The following TPD52L2 variants were observed in gnomAD, a reference collection of about 807,000 sequenced individuals.
TPD52L2 encodes the protein TPD52 like 2, also known as tumor protein D54.
A neutral mutation model predicts 24.7 loss-of-function variants in TPD52L2; 19 were observed. The ratio of observed to expected loss-of-function variants is 0.77; its 90% CI spans 0.54 to 1.13. The LOEUF is 1.13. TPD52L2 is among the 50% of genes most tolerant of loss of function. The pLI is 0.00. For missense variants in TPD52L2, 236 were observed against 250.4 expected, an observed-to-expected ratio of 0.94 and a Z score of 0.39; for synonymous variants, 104 against 100.2, an observed-to-expected ratio of 1.04 and a Z score of -0.23.
At chr20:63,866,681 G>T (rs1227330706) in intron 1 of TPD52L2, among the ~76,000 whole-genome samples, 1 of 150,018 alleles carries the variant, frequency 6.7e-6, no homozygotes, top group African/African-American at 2.5e-5. Context: ...TGACGGTCTT[G>T]ATACCCTGAC....
At chr20:63,868,160 G>T (rs572673731) in intron 1 of TPD52L2, among the ~76,000 whole-genome samples, 6 of 152,194 alleles carry the variant, frequency 3.9e-5, no homozygotes, top group Admixed American at 1.3e-4. Flanking sequence ...TGATCCACCT[G>T]CCTCGGCCTC....
chr20:63,881,032 G>A (rs2052876189), intron 4 of TPD52L2, among the ~76,000 whole-genome samples: 1 of 151,224 alleles, frequency 6.6e-6, no homozygotes, highest in South Asian at 2.1e-4. Context: ...GGATGGGAAA[G>A]TGCATCCTCT....
chr20:63,877,612 A>ATAGTCT lies in TPD52L2; in HGVS notation c.374+1741_374+1746dup, dbSNP rs1339224734. Among the ~76,000 whole-genome samples, 2 of 152,266 alleles carry ATAGTCT rather than the reference A, an allele frequency of 1.3e-5. No homozygotes were observed. The highest frequency in any genetic ancestry group is 2.9e-5 in the Non-Finnish European group (2 of 68,046). On this transcript the variant is annotated intron_variant, in intron 4 of 6. Coordinates refer to ENST00000346249, the MANE Select transcript of TPD52L2 (RefSeq NM_003288.4). The surrounding 1 kb of genome is among the most constrained non-coding windows in gnomAD (Gnocchi z 4.1). ...CGCACAGTGCAGACTCAGTCTGAAA[A>ATAGTCT]TAGTCTTAGGAGACTTCAGTGCTGT...
intron 2 of TPD52L2, among the ~76,000 whole-genome samples, chr20:63,870,334 T>C (rs6062561): frequency 0.042 from 6,318 of 152,158 alleles, 369 homozygotes; most frequent in East Asian, 0.25. Context: ...AGGTTGGTTG[T>C]GCCGCTGAGT....
rs964052969 is a variant in TPD52L2 at position 63,886,176 on chromosome 20, G to A, written c.477-3014G>A. The A allele has an allele frequency of 8.6e-5, 75 of 874,576 alleles. 2 individuals carry two copies. The highest frequency in any genetic ancestry group is 6.4e-4 in the South Asian group (46 of 72,370). The allele number at this position is 874,576 out of a possible 1,614,324, so 54.2% of individuals were successfully genotyped here. A position where few individuals can be genotyped will look rare whatever the true frequency, so the allele number is the denominator to read the frequency against. On this transcript the variant is annotated intron_variant, in intron 5 of 6. Coordinates refer to ENST00000346249, the MANE Select transcript of TPD52L2 (RefSeq NM_003288.4). ...GGATCACCCCTTCCAGGACAGCAGT[G>A]CCAGCCAGGTGGTTGCTGCATCTCA...
At position 63,886,938 on chromosome 20, in the gene TPD52L2, G is replaced by C. The variant is rs6010689; in HGVS notation, c.477-2252G>C. ...GATTACAGGCGTGAGCCACTGCGCCGGGCCCTCAAAGGAGCCTTTTCACGT... is the reference window on the plus strand; with the variant it reads ...GATTACAGGCGTGAGCCACTGCGCCCGGCCCTCAAAGGAGCCTTTTCACGT... On this transcript the variant is annotated intron_variant, in intron 5 of 6. Transcript: ENST00000346249. The C allele has an allele frequency of 2.9e-3, 457 of 159,606 alleles. 3 individuals are homozygous for C. The highest frequency in any genetic ancestry group is 0.011 in the African/African-American group (441 of 41,542). The allele number at this position is 159,606 out of a possible 1,614,324, so 9.9% of individuals were successfully genotyped here.
At chr20:63,876,938 T>C (rs1294534909) in intron 4 of TPD52L2, 1 of 451,868 alleles carries the variant, frequency 2.2e-6, no homozygotes, top group South Asian at 1.6e-5. Context: ...CCGGGCGGTT[T>C]GTGGGCATGG....
intron 4 of TPD52L2, among the ~76,000 whole-genome samples, chr20:63,880,534 T>C (rs565271034): frequency 6.6e-6 from 1 of 152,386 alleles, no homozygotes; most frequent in African/African-American, 2.4e-5. Context: ...AACCACAGAA[T>C]GTTCACATGG....
intron 1 of TPD52L2, among the ~76,000 whole-genome samples, chr20:63,869,067 C>G (rs1210657192): frequency 6.6e-6 from 1 of 152,178 alleles, no homozygotes; most frequent in Non-Finnish European, 1.5e-5. Flanking sequence ...CGGCATTTGT[C>G]GTGCCCTGAA....
At chr20:63,888,682 C>G (rs1434448730) in intron 5 of TPD52L2, 2 of 149,726 alleles carry the variant, frequency 1.3e-5, no homozygotes, top group East Asian at 1.9e-4. Context: ...CGACAGCCCC[C>G]CAACTGCACA....
At chr20:63,868,819 G>A (rs1230417617) in intron 1 of TPD52L2, among the ~76,000 whole-genome samples, 1 of 152,166 alleles carries the variant, frequency 6.6e-6, no homozygotes, top group Non-Finnish European at 1.5e-5. Context: ...GCGTGCGCCT[G>A]TAATCCCAGC....
intron 1 of TPD52L2, among the ~76,000 whole-genome samples, chr20:63,867,305 C>T (rs922639835): frequency 5.3e-5 from 8 of 152,134 alleles, no homozygotes; most frequent in African/African-American, 1.4e-4. Context: ...GTGGCTTACG[C>T]CTGTAATTCT....
chr20:63,883,295 G>C (rs1050554341), intron 5 of TPD52L2, among the ~76,000 whole-genome samples: 1 of 152,222 alleles, frequency 6.6e-6, no homozygotes, highest in East Asian at 1.9e-4. Context: ...CCAGAGGCTG[G>C]TGAAAGCCTC....
intron 5 of TPD52L2, chr20:63,887,530 C>T (rs367831892): frequency 1.2e-5 from 20 of 1,612,370 alleles, no homozygotes; most frequent in Non-Finnish European, 1.5e-5. Flanking sequence ...TTAACTCTTG[C>T]TTCCTTCTCT....
chr20:63,874,707 G>A (rs1021356171), intron 3 of TPD52L2, among the ~76,000 whole-genome samples: 1 of 151,542 alleles, frequency 6.6e-6, no homozygotes, highest in Non-Finnish European at 1.5e-5. Flanking sequence ...AGACACACTG[G>A]CTAGTTGTCC....
intron 6 of TPD52L2, 39 bp from the exon 7 acceptor site, chr20:63,889,807 CTCTG>C: frequency 6.3e-7 from 1 of 1,583,080 alleles, no homozygotes; most frequent in Admixed American, 1.7e-5. Flanking sequence ...GTGTTGTGTG[CTCTG>C]TCTCAGGTTT....
intron 5 of TPD52L2, chr20:63,885,904 C>G: frequency 8.8e-7 from 1 of 1,140,272 alleles, no homozygotes; most frequent in East Asian, 2.3e-5. Context: ...CTGGGCCTGA[C>G]TGAGCACGAG....
At chr20:63,870,910 G>GT (rs901667424) in intron 2 of TPD52L2, among the ~76,000 whole-genome samples, 2 of 152,042 alleles carry the variant, frequency 1.3e-5, no homozygotes, top group African/African-American at 4.8e-5. Context: ...TAGAGACAGA[G>GT]TTTCACCATG....
rs539983968 is a variant in TPD52L2 at position 63,879,345 on chromosome 20, C to T, written c.375-3374C>T. On this transcript the variant is annotated intron_variant, in intron 4 of 6. Transcript: ENST00000346249. ...CAGCAGGGACTGATCACAGTGGCAC[C>T]GGGTGTCAGTGGCCAGTGGTCAGTG... is the stretch of plus-strand genomic sequence containing the variant. Among the ~76,000 whole-genome samples the T allele has an allele frequency of 5.3e-5, 8 of 152,196 alleles. No individual in the cohort carries two copies. In the South Asian group the frequency reaches 1.0e-3, roughly 20 times the overall value.
Sources: gnomAD v4.1 joint callset for allele counts (sites outside exome capture counted in the v4.1 genomes callset) on GRCh38, gnomAD v4.1.1 for gene constraint, Gnocchi (gnomAD v3.1) non-coding constraint, MANE v1.5 for transcripts, NCBI Gene and HGNC (gene_info 2026-07-23, HGNC 2026-07-21) for gene names.